Variants in ENOX1 observed in about 807,000 individuals in gnomAD.
ENOX1 encodes the protein ecto-NOX disulfide-thiol exchanger 1, also known as candidate growth-related and time keeping constitutive hydroquinone (NADH) oxidase.
A neutral mutation model predicts 82.5 loss-of-function variants in ENOX1; 42 were observed. That is an observed-to-expected ratio of 0.51 (90% confidence interval 0.40 to 0.66). The LOEUF is 0.66. Among genes scored for constraint, ENOX1 ranks in the 30% least tolerant of loss-of-function variants. The pLI is 0.00. For synonymous variants in ENOX1, 271 were observed against 282.2 expected, an observed-to-expected ratio of 0.96 and a Z score of 0.40; for missense variants, 608 against 811.6, an observed-to-expected ratio of 0.75 and a Z score of 3.05.
chr13:43,724,084 C>T (rs1208547645), intron 1 of ENOX1, among the ~76,000 whole-genome samples: 1 of 152,142 alleles, frequency 6.6e-6, no homozygotes, highest in Admixed American at 6.5e-5. Context: ...TACATGACAT[C>T]ACATTAGGTC....
Position 43,219,892 on chromosome 13 carries a change from C to T in ENOX1, c.1800+4161G>A, listed in dbSNP as rs564961282. Among the ~76,000 whole-genome samples, 7 of 152,342 alleles carry T rather than the reference C, an allele frequency of 4.6e-5. No homozygotes were observed. In the South Asian group the frequency reaches 6.2e-4, roughly 14 times the overall value. On this transcript the variant is annotated intron_variant, in intron 16 of 16. Transcript: ENST00000690772. ...GAAAAGACGCCGGCAGAGGCCGGAGCGTCAGGGAAGCCAGTTGAAAACCAG... is the reference window on the plus strand; with the variant it reads ...GAAAAGACGCCGGCAGAGGCCGGAGTGTCAGGGAAGCCAGTTGAAAACCAG...
At chr13:43,250,702 G>T (rs1470852804) in intron 14 of ENOX1, among the ~76,000 whole-genome samples, 3 of 152,136 alleles carry the variant, frequency 2.0e-5, no homozygotes, top group Non-Finnish European at 2.9e-5. Context: ...TACAATAAGG[G>T]TACATTTTGT....
At chr13:43,563,511 G>A (rs114438459) in intron 2 of ENOX1, among the ~76,000 whole-genome samples, 5,051 of 152,106 alleles carry the variant, frequency 0.033, 284 homozygotes, top group African/African-American at 0.12. Context: ...ATTAGTAGAA[G>A]AGAATAAATA....
chr13:43,386,589 A>G (rs2052424013), intron 5 of ENOX1, among the ~76,000 whole-genome samples: 1 of 152,214 alleles, frequency 6.6e-6, no homozygotes, highest in Non-Finnish European at 1.5e-5. Flanking sequence ...ATGTTCACCA[A>G]AGACCACTTT....
chr13:43,491,204 A>C (rs2076606800), intron 2 of ENOX1, among the ~76,000 whole-genome samples: 1 of 152,078 alleles, frequency 6.6e-6, no homozygotes, highest in African/African-American at 2.4e-5. Flanking sequence ...CTTTTAAACA[A>C]CCAGATCTTG....
intron 12 of ENOX1, among the ~76,000 whole-genome samples, chr13:43,271,990 T>A (rs2044713638): frequency 6.6e-6 from 1 of 152,202 alleles, no homozygotes; most frequent in Non-Finnish European, 1.5e-5. Context: ...ATTTTTTTGT[T>A]AATGAATTTA....
In ENOX1 at chr13:43,664,093, T is replaced by C. The variant is rs183504057; in HGVS notation, c.-219+3386A>G. 6.4e-4 allele frequency among the ~76,000 whole-genome samples: 97 copies of C among 152,324 alleles called. 1 individual carries two copies. The East Asian group carries it at 7.1e-3, about 11-fold the overall frequency. On this transcript the variant is annotated intron_variant, in intron 2 of 16. Transcript: ENST00000690772. ...TTTGAAGTATAATTTGTTTAATTAATATACTTTCCATAATATAATAATTAC... is the reference window on the plus strand; with the variant it reads ...TTTGAAGTATAATTTGTTTAATTAACATACTTTCCATAATATAATAATTAC...
chr13:43,590,972 T>C (rs911400233), intron 2 of ENOX1, among the ~76,000 whole-genome samples: 3 of 152,208 alleles, frequency 2.0e-5, no homozygotes, highest in South Asian at 2.1e-4. Context: ...ATACTCAAGA[T>C]TGGGGGAAAT....
intron 5 of ENOX1, among the ~76,000 whole-genome samples, chr13:43,377,330 C>T (rs765635393): frequency 6.6e-6 from 1 of 152,222 alleles, no homozygotes. Flanking sequence ...AAGGCCCTCA[C>T]CAGATGGCTG....
intron 2 of ENOX1, among the ~76,000 whole-genome samples, chr13:43,489,575 C>T (rs1448417635): frequency 2.0e-5 from 3 of 152,148 alleles, no homozygotes; most frequent in African/African-American, 7.2e-5. Context: ...TGCAGAGAGT[C>T]CCCAGTAGGG....
At chr13:43,723,327 C>T (rs1037692104) in intron 1 of ENOX1, among the ~76,000 whole-genome samples, 1 of 152,062 alleles carries the variant, frequency 6.6e-6, no homozygotes, top group Admixed American at 6.6e-5. Flanking sequence ...CCACTTAAGC[C>T]CAGAACGTGA....
At chr13:43,223,631 T>A (rs938985308) in intron 16 of ENOX1, among the ~76,000 whole-genome samples, 1 of 152,178 alleles carries the variant, frequency 6.6e-6, no homozygotes, top group Non-Finnish European at 1.5e-5. Flanking sequence ...TTGAGTCATA[T>A]CAGATCTTTA....
At chr13:43,258,775 C>T (rs192056448) in intron 14 of ENOX1, among the ~76,000 whole-genome samples, 15 of 152,298 alleles carry the variant, frequency 9.8e-5, no homozygotes, top group South Asian at 4.1e-4. Context: ...CTACTAGACT[C>T]TCCTCCCAAG....
At chr13:43,309,246 T>C (rs946311464) in intron 11 of ENOX1, among the ~76,000 whole-genome samples, 32 of 152,244 alleles carry the variant, frequency 2.1e-4, no homozygotes, top group African/African-American at 7.5e-4. Context: ...GGTCTGGAAC[T>C]CTTGACCTCA....
intron 16 of ENOX1, 113 bp downstream of exon 16, chr13:43,223,940 C>G (rs182473399): frequency 1.7e-4 from 122 of 705,202 alleles, no homozygotes; most frequent in East Asian, 1.4e-3. Flanking sequence ...AAGGGCTGAT[C>G]AACCCCCATA....
At chr13:43,374,438 G>T (rs1309769434) in intron 5 of ENOX1, among the ~76,000 whole-genome samples, 1 of 151,698 alleles carries the variant, frequency 6.6e-6, no homozygotes, top group Non-Finnish European at 1.5e-5. Flanking sequence ...TAGAGATGGG[G>T]TTTCACCATG....
intron 2 of ENOX1, among the ~76,000 whole-genome samples, chr13:43,597,249 G>A (rs1246088728): frequency 6.6e-6 from 1 of 152,118 alleles, no homozygotes; most frequent in Non-Finnish European, 1.5e-5. Context: ...CCGATACGTG[G>A]GGATTACAAT....
At chr13:43,395,548 G>T (rs2053088055) in intron 5 of ENOX1, among the ~76,000 whole-genome samples, 1 of 152,120 alleles carries the variant, frequency 6.6e-6, no homozygotes, top group African/African-American at 2.4e-5. Context: ...ACCAGCGTGA[G>T]ATATTATTAT....
chr13:43,604,353 T>C (rs1444574628), intron 2 of ENOX1, among the ~76,000 whole-genome samples: 1 of 152,148 alleles, frequency 6.6e-6, no homozygotes, highest in Non-Finnish European at 1.5e-5. Flanking sequence ...ACTCTGATGG[T>C]AGTATTGAAA....
Sources: allele counts gnomAD v4.1 joint callset (sites outside exome capture counted in the v4.1 genomes callset), GRCh38; gene constraint gnomAD v4.1.1; transcripts MANE v1.5; gene names NCBI Gene and HGNC (gene_info 2026-07-23, HGNC 2026-07-21).